The following GSK3B variants were observed in gnomAD, a reference collection of about 807,000 sequenced individuals.
The protein encoded by GSK3B is glycogen synthase kinase-3 beta.
Under a neutral mutation model 56.4 loss-of-function variants are expected in GSK3B, and 15 were observed. That is an observed-to-expected ratio of 0.27 (90% CI 0.18 to 0.41). The LOEUF (loss-of-function observed/expected upper bound fraction) is 0.41, where lower values mean the gene tolerates loss of function less well. Ranked by LOEUF, GSK3B falls within the 10% of genes least tolerant of loss-of-function variation. GSK3B has a pLI of 1.00. For missense variants in GSK3B, 300 were observed against 513.4 expected (o/e 0.58, Z 4.02); for synonymous variants, 181 against 188.9 (o/e 0.96, Z 0.34).
At chr3:119,886,648 TA>T (rs1418491617) in intron 7 of GSK3B, among the ~76,000 whole-genome samples, 1 of 151,982 alleles carries the variant, frequency 6.6e-6, no homozygotes, top group African/African-American at 2.4e-5. Context: ...GTGGACTAGA[TA>T]AAGAAAATGT....
At chr3:119,958,562 T>C (rs868608232) in intron 2 of GSK3B, among the ~76,000 whole-genome samples, 1 of 152,014 alleles carries the variant, frequency 6.6e-6, no homozygotes, top group African/African-American at 2.4e-5. Flanking sequence ...CCTGTGTTCC[T>C]AGCTACTCGG....
At chr3:119,941,002 C>T (rs1027096580) in intron 3 of GSK3B, among the ~76,000 whole-genome samples, 1 of 150,444 alleles carries the variant, frequency 6.6e-6, no homozygotes, top group African/African-American at 2.5e-5. Flanking sequence ...AGTACTGCAA[C>T]TATTACTACT....
intron 10 of GSK3B, among the ~76,000 whole-genome samples, chr3:119,840,106 A>T (rs927341055): frequency 5.3e-5 from 8 of 152,144 alleles, no homozygotes; most frequent in Non-Finnish European, 7.3e-5. Flanking sequence ...GTCTGTGTGG[A>T]GAGATGCATG....
intron 2 of GSK3B, among the ~76,000 whole-genome samples, chr3:119,990,180 A>AG (rs2107465200): frequency 6.6e-6 from 1 of 152,008 alleles, no homozygotes; most frequent in East Asian, 1.9e-4. Flanking sequence ...ACCCCGCTCC[A>AG]GTTGGAAAGA....
intron 10 of GSK3B, chr3:119,833,097 C>A: frequency 2.6e-6 from 1 of 392,114 alleles, no homozygotes; most frequent in Non-Finnish European, 3.5e-6. Flanking sequence ...AATTTCTTGC[C>A]TTGATTCCTT....
intron 7 of GSK3B, among the ~76,000 whole-genome samples, chr3:119,902,302 T>C (rs1437231270): frequency 6.6e-6 from 1 of 152,160 alleles, no homozygotes; most frequent in Non-Finnish European, 1.5e-5. Context: ...AAACCTCATA[T>C]ATATTTAACA....
chr3:119,839,322 T>C (rs1224569886), intron 10 of GSK3B, among the ~76,000 whole-genome samples: 2 of 152,204 alleles, frequency 1.3e-5, no homozygotes, highest in Admixed American at 6.5e-5. Flanking sequence ...CACCATAATA[T>C]AGTCAGTATG....
At chr3:119,845,074 C>T (rs1219212700) in intron 9 of GSK3B, among the ~76,000 whole-genome samples, 1 of 152,168 alleles carries the variant, frequency 6.6e-6, no homozygotes, top group Non-Finnish European at 1.5e-5. Context: ...ATGATTATCT[C>T]AATAGATGTG....
At chr3:119,842,039 T>TA (rs1347321516) in intron 10 of GSK3B, among the ~76,000 whole-genome samples, 1 of 152,088 alleles carries the variant, frequency 6.6e-6, no homozygotes, top group Non-Finnish European at 1.5e-5. Flanking sequence ...CAAGACTATT[T>TA]AAAGAAAATG....
intron 8 of GSK3B, among the ~76,000 whole-genome samples, chr3:119,865,468 T>A (rs3107668): frequency 0.014 from 309 of 21,730 alleles, no homozygotes; most frequent in Non-Finnish European, 0.018. Context: ...ATATATATAT[T>A]TTTTTTTTTT....
chr3:119,904,191 C>T (rs1409361232), intron 7 of GSK3B, among the ~76,000 whole-genome samples: 1 of 152,100 alleles, frequency 6.6e-6, no homozygotes, highest in African/African-American at 2.4e-5. Flanking sequence ...ATGATATCCT[C>T]GATTTTGCCT....
chr3:119,926,992 T>C (rs2056894684), intron 3 of GSK3B, among the ~76,000 whole-genome samples: 1 of 152,198 alleles, frequency 6.6e-6, no homozygotes, highest in Admixed American at 6.5e-5. Flanking sequence ...TTTTATTTTA[T>C]CCGCTTCCTC....
At chr3:119,966,861 TAAG>T (rs777195392) in intron 2 of GSK3B, among the ~76,000 whole-genome samples, 8 of 151,648 alleles carry the variant, frequency 5.3e-5, no homozygotes, top group Non-Finnish European at 8.8e-5. Context: ...CAAAAGAACT[TAAG>T]AGGAAAAAAA....
At chr3:119,843,876 T>C (rs1424334620) in intron 9 of GSK3B, among the ~76,000 whole-genome samples, 2 of 152,122 alleles carry the variant, frequency 1.3e-5, no homozygotes, top group Non-Finnish European at 2.9e-5. Context: ...CATACATTCT[T>C]CTCAGCACCA....
At chr3:120,041,823 G>A (rs1041715608) in intron 1 of GSK3B, among the ~76,000 whole-genome samples, 9 of 152,184 alleles carry the variant, frequency 5.9e-5, no homozygotes, top group East Asian at 1.9e-4. Flanking sequence ...AGTAATTGAT[G>A]GAGACGCTCT....
At chr3:119,940,616 T>G (rs1418347439) in intron 3 of GSK3B, among the ~76,000 whole-genome samples, 2 of 152,162 alleles carry the variant, frequency 1.3e-5, no homozygotes, top group Non-Finnish European at 2.9e-5. Context: ...ACATTTCTAA[T>G]AAATATTTAT....
At chr3:119,921,537 G>T (rs1469607214) in intron 4 of GSK3B, among the ~76,000 whole-genome samples, 1 of 152,134 alleles carries the variant, frequency 6.6e-6, no homozygotes, top group Non-Finnish European at 1.5e-5. Flanking sequence ...AAATATAGAT[G>T]ACCAAAGAAC....
Position 120,028,240 on chromosome 3 carries a change from T to C in GSK3B, c.89-26001A>G, listed in dbSNP as rs559352106. ...GTCTTAACTTTTATTAATCACTATG[T>C]GACTGTCCATTTAAATAACAATTAA... On this transcript the variant is annotated intron_variant, in intron 1 of 10. Transcript: ENST00000264235. Among the ~76,000 whole-genome samples the C allele has an allele frequency of 9.8e-5, 15 of 152,372 alleles. No individual in the cohort carries two copies. In the South Asian group the frequency reaches 1.2e-3, roughly 13 times the overall value.
At chr3:119,840,293 C>T (rs556478107) in intron 10 of GSK3B, among the ~76,000 whole-genome samples, 3 of 151,144 alleles carry the variant, frequency 2.0e-5, no homozygotes, top group African/African-American at 4.9e-5. Flanking sequence ...GGCACAATCT[C>T]GGCTCATTGC....
Sources: allele counts gnomAD v4.1 joint callset (sites outside exome capture counted in the v4.1 genomes callset), GRCh38; gene constraint gnomAD v4.1.1; transcripts MANE v1.5; gene names NCBI Gene and HGNC (gene_info 2026-07-23, HGNC 2026-07-21).